The following GADL1 variants were observed in gnomAD, a reference collection of about 807,000 sequenced individuals.
GADL1 encodes GAD like acidic amino acid decarboxylase 1, also known as acidic amino acid decarboxylase GADL1.
In GADL1, 71 loss-of-function variants were observed where a neutral mutation model predicts 69.5. The observed-to-expected ratio is 1.02, with a 90% CI of 0.84 to 1.25. The LOEUF is 1.25. Ranked by LOEUF, GADL1 falls within the 50% of genes most tolerant of loss-of-function variation. The probability of loss-of-function intolerance (pLI) is 0.00; values close to 1 mark genes in which losing one functional copy is unlikely to be tolerated. For missense variants in GADL1, 737 were observed against 631.8 expected (o/e 1.17, Z -1.79); for synonymous variants, 254 against 214.4 (o/e 1.18, Z -1.62).
chr3:30,758,828 G>GT (rs1264454002), intron 14 of GADL1, among the ~76,000 whole-genome samples: 11 of 152,178 alleles, frequency 7.2e-5, no homozygotes, highest in Admixed American at 7.2e-4. Context: ...GCAGCACTTT[G>GT]TAAAAGCTGG....
chr3:30,767,008 C>T (rs993922849), intron 14 of GADL1, among the ~76,000 whole-genome samples: 6 of 152,110 alleles, frequency 3.9e-5, no homozygotes, highest in Non-Finnish European at 8.8e-5. Context: ...ATAATGAAAG[C>T]TAATGTTTAT....
At chr3:30,777,279 T>G (rs1295278911) in intron 14 of GADL1, among the ~76,000 whole-genome samples, 2 of 150,896 alleles carry the variant, frequency 1.3e-5, no homozygotes, top group African/African-American at 2.4e-5. Flanking sequence ...CCCCTGAGGG[T>G]AAGGAGAGGG....
intron 14 of GADL1, among the ~76,000 whole-genome samples, chr3:30,739,852 T>G (rs1179905496): frequency 6.6e-6 from 1 of 152,184 alleles, no homozygotes; most frequent in Non-Finnish European, 1.5e-5. Flanking sequence ...TAAATACTAA[T>G]AAAGAGTCTT....
At chr3:30,863,109 AC>A (rs1204181022) in intron 1 of GADL1, among the ~76,000 whole-genome samples, 4 of 151,950 alleles carry the variant, frequency 2.6e-5, no homozygotes, top group African/African-American at 9.6e-5. Flanking sequence ...TGTCAGGGAT[AC>A]CATATTTTCC....
At chr3:30,891,034 T>TTCCC (rs1224784063) in intron 1 of GADL1, among the ~76,000 whole-genome samples, 2 of 117,148 alleles carry the variant, frequency 1.7e-5, no homozygotes, top group East Asian at 4.3e-4. Flanking sequence ...CTTTGCATTC[T>TTCCC]TCCTTCCTTC....
rs1055832272 is a variant in GADL1, at chr3:30,756,943, C to T, written c.1392+21236G>A. The stretch of plus-strand genomic sequence containing the variant: ...TCAGCACTAGCCTCCAACCAGAGTC[C>T]ATGGGGGGGACATGTCAAAGGAGAG... On this transcript the variant is annotated intron_variant, in intron 14 of 14. Transcript: ENST00000282538. 1.2e-4 allele frequency among the ~76,000 whole-genome samples: 18 copies of T among 152,170 alleles called. No homozygotes were observed. In the South Asian group the frequency reaches 1.9e-3, roughly 16 times the overall value.
At chr3:30,734,695 C>T (rs897811000) in intron 14 of GADL1, among the ~76,000 whole-genome samples, 3 of 152,132 alleles carry the variant, frequency 2.0e-5, no homozygotes, top group Admixed American at 6.5e-5. Context: ...AAAAAAATTG[C>T]TAACCCACAA....
intron 11 of GADL1, among the ~76,000 whole-genome samples, chr3:30,811,453 G>C (rs1203108052): frequency 6.6e-6 from 1 of 152,146 alleles, no homozygotes; most frequent in Non-Finnish European, 1.5e-5. Context: ...TCTTAGGACA[G>C]ATGGAGATTT....
intron 1 of GADL1, among the ~76,000 whole-genome samples, chr3:30,868,290 G>A (rs990760883): frequency 6.6e-6 from 1 of 151,936 alleles, no homozygotes; most frequent in Non-Finnish European, 1.5e-5. Flanking sequence ...CTGTAGTCTG[G>A]ACCAATTTGC....
At chr3:30,861,533 T>C in intron 2 of GADL1, 60 bp downstream of exon 2, 1 of 1,276,606 alleles carries the variant, frequency 7.8e-7, no homozygotes, top group Non-Finnish European at 1.1e-6. Context: ...TCAGCCATAC[T>C]GATTTGGGGA....
At chr3:30,846,201 G>A (rs1401857300) in intron 6 of GADL1, among the ~76,000 whole-genome samples, 1 of 152,172 alleles carries the variant, frequency 6.6e-6, no homozygotes, top group Non-Finnish European at 1.5e-5. Context: ...CTAGAAGGCT[G>A]GAATTCAGAA....
intron 11 of GADL1, among the ~76,000 whole-genome samples, chr3:30,830,956 T>C (rs1427673481): frequency 6.6e-6 from 1 of 150,424 alleles, no homozygotes. Flanking sequence ...TCTCCCATAA[T>C]TGATAATTGA....
chr3:30,864,442 G>A (rs906669816), intron 1 of GADL1, among the ~76,000 whole-genome samples: 1 of 151,734 alleles, frequency 6.6e-6, no homozygotes, highest in Non-Finnish European at 1.5e-5. Flanking sequence ...CAGAATAGCA[G>A]TGAAATTTAA....
At chr3:30,815,366 T>C (rs1055537206) in intron 11 of GADL1, among the ~76,000 whole-genome samples, 2 of 152,190 alleles carry the variant, frequency 1.3e-5, no homozygotes, top group East Asian at 3.8e-4. Context: ...TGATGACATT[T>C]ACGATTCTCT....
intron 1 of GADL1, among the ~76,000 whole-genome samples, chr3:30,888,363 C>T (rs1044172734): frequency 2.6e-5 from 4 of 152,010 alleles, no homozygotes; most frequent in Non-Finnish European, 4.4e-5. Flanking sequence ...TCTATGTGTG[C>T]ATACCTCATA....
At chr3:30,886,326 T>C (rs1045426438) in intron 1 of GADL1, among the ~76,000 whole-genome samples, 1 of 152,140 alleles carries the variant, frequency 6.6e-6, no homozygotes, top group Non-Finnish European at 1.5e-5. Context: ...AGAAGCAATA[T>C]GGAGCCATTT....
chr3:30,755,573 G>A (rs371945845), intron 14 of GADL1, among the ~76,000 whole-genome samples: 19 of 137,658 alleles, frequency 1.4e-4, no homozygotes, highest in African/African-American at 4.3e-4. Flanking sequence ...ACAGGAAATC[G>A]TCCATTTTTG....
At chr3:30,764,715 A>G (rs1696227690) in intron 14 of GADL1, among the ~76,000 whole-genome samples, 2 of 152,232 alleles carry the variant, frequency 1.3e-5, no homozygotes, top group African/African-American at 4.8e-5. Context: ...CATGATAGAC[A>G]TGATTAGTAC....
chr3:30,739,311 G>T (rs113776488), intron 14 of GADL1, among the ~76,000 whole-genome samples: 2 of 151,902 alleles, frequency 1.3e-5, no homozygotes, highest in Admixed American at 1.3e-4. Flanking sequence ...TCCTGTATTC[G>T]CCATCCTGCA....
Sources: allele counts gnomAD v4.1 joint callset (sites outside exome capture counted in the v4.1 genomes callset), GRCh38; gene constraint gnomAD v4.1.1; transcripts MANE v1.5; gene names NCBI Gene and HGNC (gene_info 2026-07-23, HGNC 2026-07-21).